The following CBLN2 variants were observed in gnomAD, a reference collection of about 807,000 sequenced individuals.
The protein encoded by CBLN2 is cerebellin 2 precursor.
Under a neutral mutation model 15.0 loss-of-function variants are expected in CBLN2, and 7 were observed. That is an observed-to-expected ratio of 0.47 (90% CI 0.27 to 0.88). CBLN2 has a LOEUF of 0.88. Among genes scored for constraint, CBLN2 ranks in the 40% least tolerant of loss-of-function variants. CBLN2 has a pLI of 0.14. For missense variants in CBLN2, 242 were observed against 304.5 expected, an observed-to-expected ratio of 0.79 and a Z score of 1.53; for synonymous variants, 149 against 135.2, an observed-to-expected ratio of 1.10 and a Z score of -0.71.
In CBLN2 at chr18:72,580,606, G is replaced by T. The variant is rs1026664622; in HGVS notation, c.16-41834C>A. ...ACACACATATATATATATACATTTT[G>T]CCTTTCATCATTTGTTCACATTAAA... is the stretch of plus-strand genomic sequence containing the variant. On this transcript the variant is annotated intron_variant, in intron 1 of 2. Coordinates refer to the CBLN2 transcript ENST00000581073. Among the ~76,000 whole-genome samples the T allele has an allele frequency of 5.3e-5, 8 of 151,834 alleles. No homozygotes were observed. In the Middle Eastern group the frequency reaches 0.01, roughly 195 times the overall value.
intron 1 of CBLN2, among the ~76,000 whole-genome samples, chr18:72,622,450 C>T (rs2069707491): frequency 6.6e-6 from 1 of 151,908 alleles, no homozygotes; most frequent in Admixed American, 6.6e-5. Context: ...GATTCTCAGC[C>T]TTATGGGTGA....
At chr18:72,588,161 T>C (rs1389138024) in intron 1 of CBLN2, among the ~76,000 whole-genome samples, 2 of 152,194 alleles carry the variant, frequency 1.3e-5, no homozygotes, top group African/African-American at 4.8e-5. Flanking sequence ...TATTCAGAGC[T>C]AAAGCTTTCC....
intron 1 of CBLN2, among the ~76,000 whole-genome samples, chr18:72,608,634 C>G (rs2069600300): frequency 6.7e-6 from 1 of 148,858 alleles, no homozygotes; most frequent in Admixed American, 6.6e-5. Context: ...CCCATCTTCT[C>G]ATGTTCATGT....
At chr18:72,581,140 T>C (rs953454096) in intron 1 of CBLN2, among the ~76,000 whole-genome samples, 1 of 152,216 alleles carries the variant, frequency 6.6e-6, no homozygotes, top group Non-Finnish European at 1.5e-5. Flanking sequence ...ATATAAATCC[T>C]CAGATATCTC....
intron 1 of CBLN2, chr18:72,618,672 C>T (rs1470273524): frequency 6.4e-6 from 5 of 780,404 alleles, no homozygotes; most frequent in Non-Finnish European, 1.1e-5. Context: ...TGATTGAACT[C>T]ATGACCGACT....
chr18:72,631,315 T>C (rs535107895), intron 1 of CBLN2, among the ~76,000 whole-genome samples: 2 of 152,246 alleles, frequency 1.3e-5, no homozygotes, highest in South Asian at 2.1e-4. Flanking sequence ...TTTTGATCCC[T>C]ACTGTTGGTT....
intron 1 of CBLN2, among the ~76,000 whole-genome samples, chr18:72,570,674 A>C (rs558290023): frequency 2.6e-4 from 39 of 152,142 alleles, no homozygotes; most frequent in Non-Finnish European, 5.1e-4. Context: ...CTATCCTTGC[A>C]GGACATCCAA....
At position 72,543,235 on chromosome 18, in the gene CBLN2, C is replaced by T; in HGVS notation, c.-167+251G>A. ...GAAAGCAGACAGGCCATTTCAATACCAGCCCAGAGACACGCAGAGAAGCCG... is the reference window on the plus strand; with the variant it reads ...GAAAGCAGACAGGCCATTTCAATACTAGCCCAGAGACACGCAGAGAAGCCG... On this transcript the variant is annotated intron_variant, in intron 2 of 4. Transcript: ENST00000269503. This position sits in a 1 kb window ranked among gnomAD's most constrained non-coding sequence, Gnocchi z 6.8. The T allele has an allele frequency of 2.9e-6, 1 of 344,480 alleles. No homozygotes were observed. Among genetic ancestry groups the T allele is most frequent in the Non-Finnish European group, 5.2e-6 (1 of 192,194 alleles). 21.3% of individuals were successfully genotyped at this position (344,480 alleles called of 1,614,324 possible).
At position 72,537,960 on chromosome 18, in the gene CBLN2, C is replaced by G. The variant is rs1184855843; in HGVS notation, c.*216G>C. The stretch of plus-strand genomic sequence containing the variant: ...TCATTTCTCCTTAAGACCTTGTCAT[C>G]TAAAACTAATTAGAGGCCAGGTTCC... On this transcript the variant is annotated 3_prime_UTR_variant, in exon 5 of 5. Coordinates refer to ENST00000269503, the MANE Select transcript of CBLN2 (RefSeq NM_182511.4). The G allele has an allele frequency of 1.7e-6, 1 of 592,664 alleles. No individual in the cohort carries two copies. The highest frequency in any genetic ancestry group is 3.0e-6 in the Non-Finnish European group (1 of 333,182). The allele number at this position is 592,664 out of a possible 1,614,324, so 36.7% of individuals were successfully genotyped here. A position where few individuals can be genotyped will look rare whatever the true frequency, so the allele number is the denominator to read the frequency against.
At chr18:72,587,292 C>T (rs2069450199) in intron 1 of CBLN2, among the ~76,000 whole-genome samples, 2 of 151,868 alleles carry the variant, frequency 1.3e-5, no homozygotes, top group Non-Finnish European at 2.9e-5. Context: ...ATTTGCTTTG[C>T]CATTAACTTA....
At chr18:72,618,240 G>C (rs749938363) in intron 1 of CBLN2, 6 of 269,422 alleles carry the variant, frequency 2.2e-5, no homozygotes, top group Non-Finnish European at 4.4e-5. Context: ...AGGAAGCATT[G>C]TTAAAGTCTC....
intron 1 of CBLN2, among the ~76,000 whole-genome samples, chr18:72,611,532 C>T (rs2069622425): frequency 1.3e-5 from 2 of 151,982 alleles, no homozygotes; most frequent in Admixed American, 6.6e-5. Flanking sequence ...GTTGGCTGCT[C>T]ATATGTCTTC....
intron 1 of CBLN2, among the ~76,000 whole-genome samples, chr18:72,552,886 T>A (rs2069199989): frequency 6.6e-6 from 1 of 152,126 alleles, no homozygotes; most frequent in South Asian, 2.1e-4. Context: ...ATTGCGAAAA[T>A]TGTTTCAGAA....
chr18:72,625,808 CTCTCTCTCTCTATA>C (rs1376764438), intron 1 of CBLN2, among the ~76,000 whole-genome samples: 76 of 64,650 alleles, frequency 1.2e-3, no homozygotes, highest in African/African-American at 3.0e-3. Context: ...CTCTCTCTCT[CTCTCTCTCTCTATA>C]TATATATATA....
chr18:72,616,983 T>C (rs1599025135), intron 1 of CBLN2, among the ~76,000 whole-genome samples: 1 of 152,204 alleles, frequency 6.6e-6, no homozygotes, highest in Admixed American at 6.5e-5. Flanking sequence ...CCTAATCTGA[T>C]TGGCTTAGAG....
At chr18:72,618,674 T>C in intron 1 of CBLN2, 1 of 775,170 alleles carries the variant, frequency 1.3e-6, no homozygotes. Context: ...ATTGAACTCA[T>C]GACCGACTGA....
intron 1 of CBLN2, among the ~76,000 whole-genome samples, chr18:72,638,107 C>T (rs1402386742): frequency 6.6e-6 from 1 of 152,164 alleles, no homozygotes; most frequent in East Asian, 1.9e-4. Flanking sequence ...GAAAATGAAA[C>T]GCCCACTGAA....
chr18:72,595,275 T>A (rs1270777534), intron 1 of CBLN2, among the ~76,000 whole-genome samples: 1 of 152,118 alleles, frequency 6.6e-6, no homozygotes. Flanking sequence ...TGTCTTAATT[T>A]TTTTATTGAC....
At chr18:72,561,024 A>G (rs573766339) in intron 1 of CBLN2, among the ~76,000 whole-genome samples, 3 of 152,204 alleles carry the variant, frequency 2.0e-5, no homozygotes, top group Non-Finnish European at 4.4e-5. Context: ...AAATAAAGAA[A>G]GAAAAATAAA....
Sources: allele counts gnomAD v4.1 joint callset (sites outside exome capture counted in the v4.1 genomes callset), GRCh38; gene constraint gnomAD v4.1.1; non-coding constraint Gnocchi (gnomAD v3.1); transcripts MANE v1.5; gene names NCBI Gene and HGNC (gene_info 2026-07-23, HGNC 2026-07-21).